The following COL19A1 variants were observed in gnomAD, a reference collection of about 807,000 sequenced individuals.
COL19A1 encodes collagen alpha-1(XIX) chain.
A neutral mutation model predicts 190.2 loss-of-function variants in COL19A1; 159 were observed. That is an observed-to-expected ratio of 0.84 (90% CI 0.73 to 0.95). The LOEUF (loss-of-function observed/expected upper bound fraction) is 0.95. Ranked by LOEUF, COL19A1 falls within the 40% of genes least tolerant of loss-of-function variation. The probability of loss-of-function intolerance (pLI) is 0.00; values close to 1 mark genes in which losing one functional copy is unlikely to be tolerated. For synonymous variants in COL19A1, 509 were observed against 458.9 expected (o/e 1.11, Z -1.39); for missense variants, 1,418 against 1,431.9 (o/e 0.99, Z 0.16).
intron 17 of COL19A1, among the ~76,000 whole-genome samples, chr6:70,129,610 G>C (rs774684156): frequency 2.4e-4 from 37 of 152,230 alleles, no homozygotes; most frequent in Non-Finnish European, 4.8e-4. Context: ...CAGCTCTTAC[G>C]GAGGCAGAGG....
chr6:69,912,403 G>A (rs977479543), intron 4 of COL19A1, among the ~76,000 whole-genome samples: 7 of 152,166 alleles, frequency 4.6e-5, no homozygotes, highest in African/African-American at 1.7e-4. Flanking sequence ...AAAACCTACT[G>A]TTGTTATTTC....
intron 15 of COL19A1, among the ~76,000 whole-genome samples, chr6:70,088,189 C>T (rs1299943818): frequency 6.6e-6 from 1 of 152,128 alleles, no homozygotes; most frequent in Non-Finnish European, 1.5e-5. Context: ...TAGAAAGCCC[C>T]TTTCAAATGT....
At chr6:69,867,508 C>T (rs1451335943) in intron 1 of COL19A1, 1 of 152,258 alleles carries the variant, frequency 6.6e-6, no homozygotes, top group African/African-American at 2.4e-5. Context: ...GCGCCGCAGC[C>T]ACAGCGGCCG....
intron 27 of COL19A1, among the ~76,000 whole-genome samples, chr6:70,147,886 A>G (rs148648769): frequency 6.6e-6 from 1 of 152,284 alleles, no homozygotes; most frequent in Non-Finnish European, 1.5e-5. Flanking sequence ...CAGGTTCTAT[A>G]GTTTGCTAGA....
At chr6:70,164,470 C>T (rs1788005300) in intron 36 of COL19A1, among the ~76,000 whole-genome samples, 1 of 152,160 alleles carries the variant, frequency 6.6e-6, no homozygotes, top group Admixed American at 6.5e-5. Flanking sequence ...GGAATCCCAA[C>T]ACATTTTGAA....
intron 11 of COL19A1, among the ~76,000 whole-genome samples, chr6:69,994,620 C>T (rs573060531): frequency 6.6e-6 from 1 of 152,202 alleles, no homozygotes; most frequent in African/African-American, 2.4e-5. Flanking sequence ...AATATTATTG[C>T]AGACATTGCT....
chr6:70,114,090 A>G (rs1227297259), intron 16 of COL19A1, among the ~76,000 whole-genome samples: 2 of 151,968 alleles, frequency 1.3e-5, no homozygotes, highest in Admixed American at 6.6e-5. Flanking sequence ...AGCTCAAGCA[A>G]TCTGCCCGTC....
At chr6:69,926,533 C>G (rs1028230601) in intron 4 of COL19A1, among the ~76,000 whole-genome samples, 3 of 151,988 alleles carry the variant, frequency 2.0e-5, no homozygotes, top group Admixed American at 6.6e-5. Context: ...GGTTCAAGAA[C>G]TGATCTGAGG....
At chr6:69,939,133 A>G (rs1040133498) in intron 9 of COL19A1, among the ~76,000 whole-genome samples, 1 of 152,148 alleles carries the variant, frequency 6.6e-6, no homozygotes, top group Non-Finnish European at 1.5e-5. Context: ...ACAACTCAGC[A>G]GGTGTTTGAA....
chr6:69,934,418 C>T (rs1198426033), intron 7 of COL19A1, among the ~76,000 whole-genome samples: 1 of 151,800 alleles, frequency 6.6e-6, no homozygotes, highest in Non-Finnish European at 1.5e-5. Context: ...TAATAACTTT[C>T]TCTGGTTGTA....
chr6:70,069,834 A>C (rs540460437), intron 15 of COL19A1, among the ~76,000 whole-genome samples: 284 of 152,268 alleles, frequency 1.9e-3, no homozygotes, highest in Non-Finnish European at 3.3e-3. Context: ...TTTAATCCCT[A>C]ATAGCATTCT....
At chr6:70,140,537 A>G (rs920070453) in intron 19 of COL19A1, among the ~76,000 whole-genome samples, 2 of 152,102 alleles carry the variant, frequency 1.3e-5, no homozygotes, top group Non-Finnish European at 1.5e-5. Flanking sequence ...TAAGCACACA[A>G]TTAACCAACT....
At chr6:69,885,399 A>G (rs1020457433) in intron 2 of COL19A1, among the ~76,000 whole-genome samples, 1 of 152,232 alleles carries the variant, frequency 6.6e-6, no homozygotes, top group South Asian at 2.1e-4. Context: ...TCTATAGCAT[A>G]TTATGGGATG....
intron 9 of COL19A1, among the ~76,000 whole-genome samples, chr6:69,954,201 A>C (rs985719246): frequency 6.6e-6 from 1 of 152,022 alleles, no homozygotes; most frequent in African/African-American, 2.4e-5. Context: ...CACCAGGCAA[A>C]ATTACAGCTT....
intron 14 of COL19A1, among the ~76,000 whole-genome samples, chr6:70,040,281 AAAG>A (rs1430237654): frequency 6.6e-6 from 1 of 152,206 alleles, no homozygotes; most frequent in Admixed American, 6.6e-5. Context: ...GAGAGAGAAT[AAAG>A]AAGTGAGGGT....
At chr6:69,988,638 A>G (rs558312983) in intron 11 of COL19A1, among the ~76,000 whole-genome samples, 2 of 152,286 alleles carry the variant, frequency 1.3e-5, no homozygotes, top group African/African-American at 4.8e-5. Flanking sequence ...GGAACTAGAA[A>G]ACAACACCCA....
At chr6:69,951,136 G>T (rs958210935) in intron 9 of COL19A1, among the ~76,000 whole-genome samples, 4 of 151,770 alleles carry the variant, frequency 2.6e-5, no homozygotes, top group Non-Finnish European at 4.4e-5. Flanking sequence ...GTAAATCATA[G>T]CCATCATTAC....
chr6:69,929,283 C>A (rs933364074), intron 5 of COL19A1, 142 bp from the exon 6 acceptor site: 17 of 793,772 alleles, frequency 2.1e-5, no homozygotes, highest in Non-Finnish European at 3.1e-5. Flanking sequence ...TTTTAACAAA[C>A]CTGGTGGACA....
intron 15 of COL19A1, among the ~76,000 whole-genome samples, chr6:70,068,819 T>C (rs1405845765): frequency 1.3e-5 from 2 of 152,140 alleles, no homozygotes; most frequent in Non-Finnish European, 2.9e-5. Context: ...ATAAAGGTTG[T>C]GGATATTAAC....
Sources: allele counts gnomAD v4.1 joint callset (sites outside exome capture counted in the v4.1 genomes callset), GRCh38; gene constraint gnomAD v4.1.1; transcripts MANE v1.5; gene names NCBI Gene and HGNC (gene_info 2026-07-23, HGNC 2026-07-21).